Variants in ANKMY1 observed in about 807,000 individuals in gnomAD.
The protein encoded by ANKMY1 is ankyrin repeat and MYND domain containing 1.
Under a neutral mutation model 102.0 loss-of-function variants are expected in ANKMY1, and 98 were observed. That is an observed-to-expected ratio of 0.96 (90% confidence interval 0.82 to 1.14). The LOEUF is 1.14. Ranked by LOEUF, ANKMY1 falls within the 50% of genes most tolerant of loss-of-function variation. The pLI is 0.00. For synonymous variants in ANKMY1, 582 were observed against 559.9 expected, an observed-to-expected ratio of 1.04 and a Z score of -0.56; for missense variants, 1,330 against 1,347.6, an observed-to-expected ratio of 0.99 and a Z score of 0.20.
chr2:240,518,366 C>G (rs2081553235), intron 9 of ANKMY1, among the ~76,000 whole-genome samples: 1 of 152,122 alleles, frequency 6.6e-6, no homozygotes, highest in African/African-American at 2.4e-5. Flanking sequence ...TTCTTGCTGA[C>G]CAACTCTTTT....
intron 4 of ANKMY1, among the ~76,000 whole-genome samples, chr2:240,532,687 T>G (rs1427834660): frequency 6.6e-6 from 1 of 152,060 alleles, no homozygotes; most frequent in African/African-American, 2.4e-5. Flanking sequence ...ACTTGATGAG[T>G]TTAGGAGTAA....
At chr2:240,512,563 T>G (rs2080425219) in intron 10 of ANKMY1, among the ~76,000 whole-genome samples, 2 of 152,250 alleles carry the variant, frequency 1.3e-5, no homozygotes, top group South Asian at 4.1e-4. Context: ...GTGGACTGCC[T>G]GAATAATCAA....
Position 240,529,495 on chromosome 2 carries a change from C to T in ANKMY1, c.495G>A (p.Ala165=), listed in dbSNP as rs200962513. 6.0e-5 allele frequency: 97 copies of T among 1,612,706 alleles called. 1 individual carries two copies. In the Middle Eastern group the frequency reaches 1.0e-3, roughly 17 times the overall value. ...CGACACCTGGCCCAAACCGCTGGTC[C>T]GCTTTGTATAGCCCCTGCCAAGGAA... ...KTRLFQGLYK[A]DQRFGPGVET... is the part of the protein sequence containing the mutation. Residue 165 remains alanine (A), a synonymous_variant, in exon 5 of 18, where the codon GCG becomes GCA. Coordinates refer to ENST00000401804, the MANE Select transcript of ANKMY1 (RefSeq NM_001282771.3). This position sits in a 1 kb window ranked among gnomAD's most constrained non-coding sequence, Gnocchi z 4.2.
intron 11 of ANKMY1, among the ~76,000 whole-genome samples, chr2:240,509,688 A>G (rs943294545): frequency 7.2e-5 from 11 of 152,190 alleles, no homozygotes; most frequent in African/African-American, 2.7e-4. Context: ...CTAAGCATTC[A>G]TCACTTCCAA....
intron 4 of ANKMY1, among the ~76,000 whole-genome samples, chr2:240,530,274 C>A (rs919510896): frequency 6.6e-6 from 1 of 152,174 alleles, no homozygotes; most frequent in Non-Finnish European, 1.5e-5. Context: ...TTGTCCCCAC[C>A]CAAATCCCAA....
In ANKMY1 at chr2:240,523,489, T is replaced by C. The variant is rs376509934; in HGVS notation, c.1832+396A>G. On this transcript the variant is annotated intron_variant, in intron 8 of 17. Transcript: ENST00000401804. ...TTGAGACACACTGGTATAGACAGGG[T>C]GGACAGCAGGGGTGTGAGAGCTGCC... The C allele has an allele frequency of 3.4e-5, 8 of 236,990 alleles. No individual in the cohort carries two copies. The East Asian group carries it at 8.1e-4, about 24-fold the overall frequency. 14.7% of individuals were successfully genotyped at this position (236,990 alleles called of 1,614,324 possible).
At chr2:240,515,951 C>T (rs758847718) in intron 9 of ANKMY1, among the ~76,000 whole-genome samples, 3 of 151,192 alleles carry the variant, frequency 2.0e-5, no homozygotes, top group African/African-American at 2.4e-5. Context: ...GTCTCTATCT[C>T]CTGACCTTGT....
chr2:240,555,715 G>A (rs993607272), intron 2 of ANKMY1, among the ~76,000 whole-genome samples: 5 of 151,956 alleles, frequency 3.3e-5, no homozygotes, highest in East Asian at 1.9e-4. Flanking sequence ...CGGATGGGGC[G>A]TCTTAGACCA....
In ANKMY1 at chr2:240,510,640, T is replaced by C. The variant is rs527725094; in HGVS notation, c.2287-1185A>G. Among the ~76,000 whole-genome samples the C allele has an allele frequency of 8.5e-5, 13 of 152,142 alleles. No homozygotes were observed. In the East Asian group the frequency reaches 2.5e-3, roughly 30 times the overall value. On this transcript the variant is annotated intron_variant, in intron 11 of 17. Transcript: ENST00000401804. ...TGCACACTCCCCTTTCCCGCAGTCT[T>C]GCTGGCCAGGCCAAGGAGGTGCCCA...
At chr2:240,492,331 C>T (rs2076746287) in intron 15 of ANKMY1, among the ~76,000 whole-genome samples, 1 of 152,150 alleles carries the variant, frequency 6.6e-6, no homozygotes, top group Admixed American at 6.5e-5. Flanking sequence ...TGTTTCTTTG[C>T]CCTTAAGGAT....
At chr2:240,551,051 T>C (rs944944904) in intron 4 of ANKMY1, among the ~76,000 whole-genome samples, 9 of 152,184 alleles carry the variant, frequency 5.9e-5, no homozygotes, top group Non-Finnish European at 1.3e-4. Context: ...ACTGCACTAA[T>C]TGGAAGGCTG....
chr2:240,559,059 T>G (rs891721209), upstream of ANKMY1, among the ~76,000 whole-genome samples: 12 of 152,184 alleles, frequency 7.9e-5, no homozygotes, highest in African/African-American at 2.7e-4. Context: ...AAACCCTCTG[T>G]TCTTAGCAAG....
chr2:240,557,097 T>A (rs1381269507), intron 2 of ANKMY1, 93 bp downstream of exon 2: 1 of 1,323,410 alleles, frequency 7.6e-7, no homozygotes, highest in African/African-American at 1.5e-5. Flanking sequence ...GTAACACAGT[T>A]CAGGGATTTT....
At chr2:240,541,130 G>A (rs1329680933) in intron 4 of ANKMY1, among the ~76,000 whole-genome samples, 1 of 152,210 alleles carries the variant, frequency 6.6e-6, no homozygotes, top group African/African-American at 2.4e-5. Flanking sequence ...ACACTCCTGA[G>A]GGCTTGTTTG....
At chr2:240,494,351 CCCTG>C (rs2076988692) in intron 15 of ANKMY1, among the ~76,000 whole-genome samples, 1 of 152,188 alleles carries the variant, frequency 6.6e-6, no homozygotes, top group Non-Finnish European at 1.5e-5. Context: ...ACCCCTGCCA[CCCTG>C]ACTGCATCAG....
At position 240,481,703 on chromosome 2, in the gene ANKMY1, C is replaced by T. The variant is rs1017397677; in HGVS notation, c.2885+480G>A. Among the ~76,000 whole-genome samples, 4 of 152,296 alleles carry T rather than the reference C, an allele frequency of 2.6e-5. No homozygotes were observed. In the South Asian group the frequency reaches 6.2e-4, roughly 24 times the overall value. ...AGCATGTAAAGAGACTGTTCTGGAA[C>T]AGCAGAGTGAGTGCAGGGTTGAGAC... On this transcript the variant is annotated intron_variant, in intron 16 of 17. Coordinates refer to ENST00000401804, the MANE Select transcript of ANKMY1 (RefSeq NM_001282771.3).
Position 240,499,637 on chromosome 2 carries a change from G to A in ANKMY1, c.2806+321C>T, listed in dbSNP as rs990935106. Among the ~76,000 whole-genome samples, 8 of 151,976 alleles carry A rather than the reference G, an allele frequency of 5.3e-5. No individual in the cohort carries two copies. The highest frequency in any genetic ancestry group is 1.9e-4 in the East Asian group (1 of 5,186). ...GCCTCGGGCCCACAGTCCCTGTGCC[G>A]GATAGACTGGCACTCCTGACAGGGC... On this transcript the variant is annotated intron_variant, in intron 15 of 17. Coordinates refer to ENST00000401804, the MANE Select transcript of ANKMY1 (RefSeq NM_001282771.3). This position sits in a 1 kb window ranked among gnomAD's most constrained non-coding sequence, Gnocchi z 4.2.
the ANKMY1 span, among the ~76,000 whole-genome samples, chr2:240,469,017 T>C: frequency 0.087 from 13,321 of 152,250 alleles, 628 homozygotes; most frequent in Non-Finnish European, 0.1. Context: ...TGGAGTCCTC[T>C]CCGTGGCGGG....
intron 4 of ANKMY1, among the ~76,000 whole-genome samples, chr2:240,533,031 C>A (rs2085816198): frequency 6.6e-6 from 1 of 152,082 alleles, no homozygotes; most frequent in Non-Finnish European, 1.5e-5. Flanking sequence ...TTAATGGATC[C>A]CAGTAGCAGC....
Sources: allele counts gnomAD v4.1 joint callset (sites outside exome capture counted in the v4.1 genomes callset), GRCh38; gene constraint gnomAD v4.1.1; non-coding constraint Gnocchi (gnomAD v3.1); transcripts MANE v1.5; gene names NCBI Gene and HGNC (gene_info 2026-07-23, HGNC 2026-07-21).